STXBP6: variants seen among roughly 807,000 people sequenced by gnomAD.
STXBP6 encodes the protein syntaxin-binding protein 6.
A neutral mutation model predicts 26.9 loss-of-function variants in STXBP6; 21 were observed. That is an observed-to-expected ratio of 0.78 (90% CI 0.55 to 1.12). The LOEUF (loss-of-function observed/expected upper bound fraction) is 1.12. STXBP6 is among the 50% of genes most tolerant of loss of function. The pLI is 0.00. For synonymous variants in STXBP6, 97 were observed against 92.6 expected, an observed-to-expected ratio of 1.05 and a Z score of -0.27; for missense variants, 232 against 257.9, an observed-to-expected ratio of 0.90 and a Z score of 0.69.
intron 4 of STXBP6, among the ~76,000 whole-genome samples, chr14:24,839,626 T>C (rs1335162172): frequency 6.6e-6 from 1 of 152,202 alleles, no homozygotes; most frequent in African/African-American, 2.4e-5. Flanking sequence ...TTGTCATTCT[T>C]GAAAAAGAAA....
intron 2 of STXBP6, among the ~76,000 whole-genome samples, chr14:24,879,704 C>T (rs548086100): frequency 6.6e-6 from 1 of 150,376 alleles, no homozygotes; most frequent in South Asian, 2.1e-4. Context: ...TGTTTCTTGC[C>T]TTTCCACGTC....
chr14:24,955,805 C>T (rs1380480402), intron 2 of STXBP6, among the ~76,000 whole-genome samples: 2 of 152,172 alleles, frequency 1.3e-5, no homozygotes, highest in Non-Finnish European at 2.9e-5. Flanking sequence ...AGAGCAGCTT[C>T]CCTGCAATAG....
intron 2 of STXBP6, among the ~76,000 whole-genome samples, chr14:24,959,452 T>C (rs1213887277): frequency 6.6e-6 from 1 of 152,174 alleles, no homozygotes; most frequent in African/African-American, 2.4e-5. Context: ...CAGAAACCTG[T>C]CAGAAAATCA....
intron 1 of STXBP6, among the ~76,000 whole-genome samples, chr14:24,985,675 T>C (rs1034763806): frequency 2.0e-5 from 3 of 152,210 alleles, no homozygotes; most frequent in Non-Finnish European, 2.9e-5. Flanking sequence ...AATTTCATCA[T>C]TTTACTTTAC....
intron 1 of STXBP6, among the ~76,000 whole-genome samples, chr14:24,988,639 ATATGCCTG>A (rs1294172569): frequency 6.6e-6 from 1 of 152,236 alleles, no homozygotes; most frequent in Non-Finnish European, 1.5e-5. Context: ...GACCTAGAAC[ATATGCCTG>A]CTCCAGCCTC....
chr14:24,968,323 C>T (rs1231919843), intron 2 of STXBP6, among the ~76,000 whole-genome samples: 1 of 151,832 alleles, frequency 6.6e-6, no homozygotes, highest in Non-Finnish European at 1.5e-5. Flanking sequence ...GCTGAATAAA[C>T]CATTTCTACC....
intron 2 of STXBP6, among the ~76,000 whole-genome samples, chr14:24,895,676 C>T (rs190248673): frequency 6.6e-6 from 1 of 152,274 alleles, no homozygotes; most frequent in Admixed American, 6.5e-5. Context: ...GTAGGGCTTC[C>T]ATTATAATAG....
intron 2 of STXBP6, among the ~76,000 whole-genome samples, chr14:24,955,354 C>T (rs1458827910): frequency 6.6e-6 from 1 of 152,178 alleles, no homozygotes; most frequent in Non-Finnish European, 1.5e-5. Flanking sequence ...CCACATTCTT[C>T]TGCTCCACCT....
chr14:25,032,060 A>C (rs1595350840), intron 1 of STXBP6, among the ~76,000 whole-genome samples: 1 of 152,318 alleles, frequency 6.6e-6, no homozygotes, highest in African/African-American at 2.4e-5. Flanking sequence ...GAAAGTTTGA[A>C]GTGACAGAGA....
At chr14:24,903,228 T>C (rs1280027885) in intron 2 of STXBP6, among the ~76,000 whole-genome samples, 1 of 152,008 alleles carries the variant, frequency 6.6e-6, no homozygotes, top group Admixed American at 6.5e-5. Context: ...TTGATTATTC[T>C]CTGTTTTGTT....
intron 4 of STXBP6, among the ~76,000 whole-genome samples, chr14:24,840,679 C>T (rs1373334016): frequency 1.3e-5 from 2 of 152,198 alleles, no homozygotes. Context: ...AACTCTTCCC[C>T]ACATACAGGA....
At chr14:25,029,567 T>A (rs1009388644) in intron 1 of STXBP6, among the ~76,000 whole-genome samples, 10 of 152,172 alleles carry the variant, frequency 6.6e-5, no homozygotes, top group Non-Finnish European at 1.3e-4. Context: ...CCTTTATTGT[T>A]GTTGTCTGGA....
At chr14:24,969,749 G>C (rs2073845385) in intron 2 of STXBP6, among the ~76,000 whole-genome samples, 1 of 152,124 alleles carries the variant, frequency 6.6e-6, no homozygotes, top group South Asian at 2.1e-4. Flanking sequence ...ACAAAATAAA[G>C]ATTTTGTATG....
chr14:24,837,581 C>G (rs1396200853), intron 4 of STXBP6, among the ~76,000 whole-genome samples: 1 of 152,050 alleles, frequency 6.6e-6, no homozygotes, highest in Non-Finnish European at 1.5e-5. Context: ...CTCTCAGGTC[C>G]CAGGACTTTG....
At position 24,951,191 on chromosome 14, in the gene STXBP6, A is replaced by C. The variant is rs908840696; in HGVS notation, c.154+23474T>G. On this transcript the variant is annotated intron_variant, in intron 2 of 5. Transcript: ENST00000323944. ...TCTTTGCTATTGTGAATAGTGCTGC[A>C]ATAAACATACGTGTGCATGTGTCTT... is the stretch of plus-strand genomic sequence containing the variant. 4.6e-5 allele frequency among the ~76,000 whole-genome samples: 7 copies of C among 152,176 alleles called. 2 individuals carry two copies. Among genetic ancestry groups the C allele is most frequent in the Admixed American group, 3.9e-4 (6 of 15,282 alleles).
intron 2 of STXBP6, among the ~76,000 whole-genome samples, chr14:24,955,487 G>T (rs2146916): frequency 0.51 from 77,980 of 152,028 alleles, 20,733 homozygotes; most frequent in African/African-American, 0.67. Flanking sequence ...GCCTTCCTTT[G>T]GATAAGGACA....
chr14:24,827,369 C>T (rs1191075385), intron 4 of STXBP6, among the ~76,000 whole-genome samples: 1 of 152,180 alleles, frequency 6.6e-6, no homozygotes, highest in Non-Finnish European at 1.5e-5. Context: ...TATTACAGAA[C>T]ATGTGCCAGA....
At chr14:24,826,000 G>A (rs1328886569) in intron 4 of STXBP6, among the ~76,000 whole-genome samples, 3 of 150,542 alleles carry the variant, frequency 2.0e-5, no homozygotes, top group Admixed American at 6.6e-5. Context: ...AAAACCTAAC[G>A]TGGCTCTAAA....
intron 1 of STXBP6, among the ~76,000 whole-genome samples, chr14:25,003,017 G>A (rs147785604): frequency 5.9e-5 from 9 of 152,286 alleles, no homozygotes; most frequent in East Asian, 3.9e-4. Flanking sequence ...GTGAGCCACC[G>A]CGGCCGGCCT....
Sources: allele counts gnomAD v4.1 joint callset (sites outside exome capture counted in the v4.1 genomes callset), GRCh38; gene constraint gnomAD v4.1.1; transcripts MANE v1.5; gene names NCBI Gene and HGNC (gene_info 2026-07-23, HGNC 2026-07-21).